The following MAX variants were observed in gnomAD, a reference collection of about 807,000 sequenced individuals.
MAX encodes MYC associated transcriptional regulator X.
A neutral mutation model predicts 22.3 loss-of-function variants in MAX; 3 were observed. That is an observed-to-expected ratio of 0.13 (90% CI 0.06 to 0.35). The LOEUF is 0.35. Ranked by LOEUF, MAX falls within the 10% of genes least tolerant of loss-of-function variation. The pLI, the probability that MAX is intolerant of heterozygous loss-of-function variation, is 1.00. For missense variants in MAX, 119 were observed against 209.4 expected (o/e 0.57, Z 2.66); for synonymous variants, 72 against 77.7 (o/e 0.93, Z 0.39).
chr14:65,073,429 T>C (rs866129519), downstream of MAX, among the ~76,000 whole-genome samples: 4 of 152,168 alleles, frequency 2.6e-5, no homozygotes, highest in Non-Finnish European at 5.9e-5. Flanking sequence ...TGTTTTACAA[T>C]GGGGTTAGCG....
intron 3 of MAX, among the ~76,000 whole-genome samples, chr14:65,050,847 C>G (rs2139666170): frequency 6.6e-6 from 1 of 152,268 alleles, no homozygotes; most frequent in African/African-American, 2.4e-5. Flanking sequence ...CGTGGTCAGT[C>G]TATTTGAAGA....
chr14:65,055,875 T>C lies in MAX; in HGVS notation c.171+37833A>G, dbSNP rs142604068. On this transcript the variant is annotated intron_variant, in intron 3 of 3. Coordinates refer to the MAX transcript ENST00000341653. Reference sequence around the variant, plus strand: ...AAATGGAAGAAACACAAATGGCCAATAGATAGTTGAAAAGATGCTCAACCT... The same window carrying C: ...AAATGGAAGAAACACAAATGGCCAACAGATAGTTGAAAAGATGCTCAACCT... Among the ~76,000 whole-genome samples, 530 of 152,324 alleles carry C rather than the reference T, an allele frequency of 3.5e-3. 5 individuals carry two copies. The highest frequency in any genetic ancestry group is 0.012 in the African/African-American group (513 of 41,576).
intron 3 of MAX, chr14:65,022,071 ACAAGAGATGC>A: frequency 2.2e-6 from 1 of 456,068 alleles, no homozygotes; most frequent in Non-Finnish European, 4.4e-6. Context: ...CCCGGAATCA[ACAAGAGATGC>A]TGCCCGTCTT....
Position 65,076,653 on chromosome 14 carries a change from C to T in MAX, c.306G>A (p.Leu102=). 1.2e-6 allele frequency: 2 copies of T among 1,614,196 alleles called. No homozygotes were observed. The highest frequency in any genetic ancestry group is 1.7e-6 in the Non-Finnish European group (2 of 1,180,038). Residue 102 remains leucine, a synonymous_variant, in exon 5 of 5, where the codon CTG becomes CTA. Coordinates refer to ENST00000358664, the MANE Select transcript of MAX (RefSeq NM_002382.5). This position sits in a 1 kb window ranked among gnomAD's most constrained non-coding sequence, Gnocchi z 6.6. The part of the protein sequence containing the change: ...NALLEQQVRA[L]EKARSSAQLQ... The stretch of plus-strand genomic sequence containing the variant: ...GTTGGGCACTTGACCTCGCCTTCTC[C>T]AGTGCACGGACTAAAAGGCAACCAA...
intron 3 of MAX, chr14:65,090,012 C>T (rs1200545178): frequency 6.6e-6 from 1 of 152,130 alleles, no homozygotes; most frequent in Non-Finnish European, 1.5e-5. Flanking sequence ...CCAAATGAAC[C>T]ACCAACTGTA....
At position 65,077,278 on chromosome 14, in the gene MAX, G is replaced by A. The variant is rs1324171429; in HGVS notation, c.296-615C>T. 5 of 1,233,410 alleles carry A rather than the reference G, an allele frequency of 4.1e-6. No individual in the cohort carries two copies. The highest frequency in any genetic ancestry group is 2.1e-4 in the Middle Eastern group (1 of 4,748). The allele number at this position is 1,233,410 out of a possible 1,614,324, so 76.4% of individuals were successfully genotyped here. ...GGTTCAGCTCAGCTTGAGCCTGGAA[G>A]GTCAACCCATTTAATTTATTTTATT... On this transcript the variant is annotated intron_variant, in intron 4 of 4. Transcript: ENST00000358664. The surrounding 1 kb of genome is among the most constrained non-coding windows in gnomAD (Gnocchi z 6.3).
In MAX at chr14:65,032,566, C is replaced by T. The variant is rs905926206; in HGVS notation, c.172-26282G>A. ...CGCGGAGTTCACTGAGCCTCATTAG[C>T]TCTTCCGTAGAGCTTAATGTGTTTC... On this transcript the variant is annotated intron_variant, in intron 3 of 3. Coordinates refer to the MAX transcript ENST00000341653. The surrounding 1 kb of genome is among the most constrained non-coding windows in gnomAD (Gnocchi z 5.0). 5 of 1,604,466 alleles carry T rather than the reference C, an allele frequency of 3.1e-6. No individual in the cohort carries two copies. The highest frequency in any genetic ancestry group is 4.2e-6 in the Non-Finnish European group (5 of 1,176,928).
At chr14:65,046,805 A>G (rs2062491329) in intron 3 of MAX, among the ~76,000 whole-genome samples, 2 of 152,212 alleles carry the variant, frequency 1.3e-5, no homozygotes, top group Admixed American at 1.3e-4. Flanking sequence ...GTTGACTACA[A>G]AAAATTCATA....
intron 3 of MAX, among the ~76,000 whole-genome samples, chr14:65,086,873 A>G (rs551640624): frequency 1.3e-5 from 2 of 152,362 alleles, no homozygotes; most frequent in Admixed American, 6.5e-5. Flanking sequence ...AGATCTTCAC[A>G]GCAGCTGTTC....
rs373129600 is a variant in MAX at position 65,032,573 on chromosome 14, G to A, written c.172-26289C>T. ...TTCACTGAGCCTCATTAGCTCTTCC[G>A]TAGAGCTTAATGTGTTTCCCGTTTC... On this transcript the variant is annotated intron_variant, in intron 3 of 3. Coordinates refer to the MAX transcript ENST00000341653. The surrounding 1 kb of genome is among the most constrained non-coding windows in gnomAD (Gnocchi z 5.0). The A allele has an allele frequency of 3.9e-4, 620 of 1,608,350 alleles. 12 individuals are homozygous for A. In the South Asian group the frequency reaches 6.2e-3, roughly 16 times the overall value.
intron 3 of MAX, chr14:65,021,897 C>T (rs1184268253): frequency 1.3e-5 from 6 of 455,406 alleles, no homozygotes; most frequent in South Asian, 6.2e-5. Flanking sequence ...CCGCCCACGT[C>T]GGCCTCCCAA....
At chr14:65,074,198 G>A (rs531687366), downstream of MAX, among the ~76,000 whole-genome samples, 6 of 152,208 alleles carry the variant, frequency 3.9e-5, no homozygotes, top group Admixed American at 3.9e-4. Flanking sequence ...TGAAAAAGAG[G>A]AAAGCATGTT....
chr14:65,019,219 G>C (rs540769233), intron 3 of MAX, among the ~76,000 whole-genome samples: 7 of 151,948 alleles, frequency 4.6e-5, no homozygotes, highest in Admixed American at 1.3e-4. Flanking sequence ...GGATGTAGTG[G>C]CTCATGGCTG....
Position 65,011,573 on chromosome 14 carries a change from G to A in MAX, c.172-5289C>T, listed in dbSNP as rs1240097675. ...CTTTGTTTCTGTAATCTGCAAGCAC[G>A]GGGAACATCTTGACAATCTGTGCTT... On this transcript the variant is annotated intron_variant, in intron 3 of 3. Transcript: ENST00000341653. The surrounding 1 kb of genome is among the most constrained non-coding windows in gnomAD (Gnocchi z 4.0). Among the ~76,000 whole-genome samples the A allele has an allele frequency of 3.3e-5, 5 of 152,346 alleles. No individual in the cohort carries two copies. Among genetic ancestry groups the A allele is most frequent in the South Asian group, 2.1e-4 (1 of 4,832 alleles).
At chr14:65,019,952 G>C (rs2061854979) in intron 3 of MAX, among the ~76,000 whole-genome samples, 1 of 152,120 alleles carries the variant, frequency 6.6e-6, no homozygotes, top group Non-Finnish European at 1.5e-5. Flanking sequence ...GAAATGCTTT[G>C]AAATGCGTTC....
At chr14:65,018,780 A>G (rs2061827533) in intron 3 of MAX, among the ~76,000 whole-genome samples, 1 of 145,384 alleles carries the variant, frequency 6.9e-6, no homozygotes, top group Non-Finnish European at 1.5e-5. Context: ...ACTCTACTCC[A>G]GCCTGGAGGA....
rs1214389281 is a variant in MAX at position 65,075,705 on chromosome 14, C to T, written c.*771G>A. The T allele has an allele frequency of 9.4e-7, 1 of 1,066,428 alleles. No individual in the cohort carries two copies. Among genetic ancestry groups the T allele is most frequent in the African/African-American group, 1.6e-5 (1 of 61,108 alleles). 66.1% of individuals were successfully genotyped at this position (1,066,428 alleles called of 1,614,324 possible). On this transcript the variant is annotated 3_prime_UTR_variant, in exon 5 of 5. Coordinates refer to ENST00000358664, the MANE Select transcript of MAX (RefSeq NM_002382.5). This position sits in a 1 kb window ranked among gnomAD's most constrained non-coding sequence, Gnocchi z 4.1. ...ACCTCTATGCCACCCAAAACACCCT[C>T]CCTGTCCCAACCCCAAATGGCCACT... is the stretch of plus-strand genomic sequence containing the variant.
Position 65,078,157 on chromosome 14 carries a change from C to T in MAX, c.172-121G>A, listed in dbSNP as rs1041985694. On this transcript the variant is annotated intron_variant, in intron 3 of 4. Transcript: ENST00000358664. The surrounding 1 kb of genome is among the most constrained non-coding windows in gnomAD (Gnocchi z 6.4). ...AACGAGAGGGTAAGGTGGGAAAAGG[C>T]TGAAGAAATACAATAATGGCTACTG... 8.5e-5 allele frequency: 86 copies of T among 1,012,982 alleles called. No individual in the cohort carries two copies. The East Asian group carries it at 1.2e-3, about 14-fold the overall frequency. The allele number at this position is 1,012,982 out of a possible 1,614,324, so 62.7% of individuals were successfully genotyped here. A position where few individuals can be genotyped will look rare whatever the true frequency, so the allele number is the denominator to read the frequency against.
At position 65,089,756 on chromosome 14, in the gene MAX, TAAAAAAAAAAAAAAAAAAAAAA is replaced by T. The variant is rs55883101; in HGVS notation, c.171+3930_171+3951del. Reference sequence around the variant, plus strand: ...ACTTTCTATAAAAGTAGCATCTCTGTAAAAAAAAAAAAAAAAAAAAAAAAAAAAAAAAAAAAAAAAAAAAAAA... The same window carrying T: ...ACTTTCTATAAAAGTAGCATCTCTGTAAAAAAAAAAAAAAAAAAAAAAAAA... On this transcript the variant is annotated intron_variant, in intron 3 of 4. Transcript: ENST00000358664. Among the ~76,000 whole-genome samples, 37 of 36,138 alleles carry T rather than the reference TAAAAAAAAAAAAAAAAAAAAAA, an allele frequency of 1.0e-3. No homozygotes were observed. The South Asian group carries it at 0.025, about 24-fold the overall frequency. 23.7% of individuals were successfully genotyped at this position (36,138 alleles called of 152,430 possible).
Sources: gnomAD v4.1 joint callset for allele counts (sites outside exome capture counted in the v4.1 genomes callset) on GRCh38, gnomAD v4.1.1 for gene constraint, Gnocchi (gnomAD v3.1) non-coding constraint, MANE v1.5 for transcripts, NCBI Gene and HGNC (gene_info 2026-07-23, HGNC 2026-07-21) for gene names.